The following IFI35 variants were observed in gnomAD, a reference collection of about 807,000 sequenced individuals.
IFI35 encodes the protein interferon induced protein 35, also known as interferon-induced 35 kDa protein.
Under a neutral mutation model 28.6 loss-of-function variants are expected in IFI35, and 30 were observed. The observed-to-expected ratio is 1.05, with a 90% confidence interval of 0.79 to 1.43. The LOEUF is 1.43. Among genes scored for constraint, IFI35 ranks in the 40% most tolerant of loss-of-function variants. The pLI is 0.00. For missense variants in IFI35, 372 were observed against 356.9 expected, an observed-to-expected ratio of 1.04 and a Z score of -0.34; for synonymous variants, 146 against 154.8, an observed-to-expected ratio of 0.94 and a Z score of 0.42.
chr17:43,013,643 G>A lies in IFI35; in HGVS notation c.543G>A (p.Leu181=). 1 of 1,614,098 alleles carries A rather than the reference G, an allele frequency of 6.2e-7. No homozygotes were observed. Among genetic ancestry groups the A allele is most frequent in the South Asian group, 1.1e-5 (1 of 91,080 alleles). The change falls in exon 5 of 7, where the codon CTG becomes CTA. Residue 181 remains leucine, a synonymous_variant. Coordinates refer to ENST00000415816, the MANE Select transcript of IFI35 (RefSeq NM_001330230.2). The part of the protein sequence containing the change: ...VRELLPGSVM[L]GFARDGVAQR... ...AGCTACTGCCAGGGAGTGTCATGCT[G>A]GGGTTTGCTAGGGATGGAGGTGAGG...
chr17:43,013,231 G>A (rs771950606), intron 3 of IFI35, 36 bp from the exon 4 acceptor site: 10 of 1,613,966 alleles, frequency 6.2e-6, no homozygotes, highest in East Asian at 4.5e-5. Context: ...GAGGTGGGGA[G>A]GGTTCCCAGT....
chr17:43,007,521 A>T (rs2050418535), intron 1 of IFI35, among the ~76,000 whole-genome samples: 1 of 150,338 alleles, frequency 6.7e-6, no homozygotes, highest in East Asian at 1.9e-4. Flanking sequence ...AAAAAAAAAA[A>T]ATTAAACTAA....
At chr17:43,011,801 G>T (rs986627748) in intron 1 of IFI35, among the ~76,000 whole-genome samples, 2 of 152,200 alleles carry the variant, frequency 1.3e-5, no homozygotes, top group African/African-American at 4.8e-5. Context: ...TTCACAGTCA[G>T]TCATGTGATC....
rs777520662 is a variant in IFI35 at position 43,013,160 on chromosome 17, G to T, written c.234G>T (p.Ala78=). ...SNLRIHCPLL[A]GSALITFDDP... ...TGCGGATCCACTGCCCTCTGCTTGC[G>T]GGCTCTGCTCTGATCACCTTTGATG... The change falls in exon 3 of 7, where the codon GCG becomes GCT. Residue 78 remains alanine, a synonymous_variant. Coordinates refer to ENST00000415816, the MANE Select transcript of IFI35 (RefSeq NM_001330230.2). 1.2e-5 allele frequency: 20 copies of T among 1,613,908 alleles called. No individual in the cohort carries two copies. Among genetic ancestry groups the T allele is most frequent in the African/African-American group, 2.7e-5 (2 of 74,842 alleles).
rs370391721 is a variant in IFI35, at chr17:43,013,066, A to G, written c.140A>G (p.Lys47Arg). The change falls in exon 3 of 7, where the codon AAG (lysine) becomes AGG (arginine). Residue 47 changes from lysine (K) to arginine (R), a missense_variant. Coordinates refer to ENST00000415816, the MANE Select transcript of IFI35 (RefSeq NM_001330230.2). ...TTCCAGGTCCCATTTTCAGTGCCCA[A>G]GATCCCCCTGGTATTCCGAGGACAC... ...PKDKVPFSVP[K>R]IPLVFRGHTQ... 1.0e-4 allele frequency: 168 copies of G among 1,613,952 alleles called. 1 individual carries two copies. Among genetic ancestry groups the G allele is most frequent in the Non-Finnish European group, 1.4e-4 (161 of 1,180,026 alleles).
At position 43,013,542 on chromosome 17, in the gene IFI35, G is replaced by A. The variant is rs1021825359; in HGVS notation, c.442G>A (p.Glu148Lys). 1.2e-6 allele frequency: 2 copies of A among 1,613,850 alleles called. No homozygotes were observed. Among genetic ancestry groups the A allele is most frequent in the East Asian group, 4.5e-5 (2 of 44,876 alleles). Residue 148 changes from glutamate to lysine, a missense_variant, in exon 5 of 7, where the codon GAG (glutamate) becomes AAG (lysine). By Grantham distance (56) the Glu-to-Lys change is moderately conservative. Coordinates refer to ENST00000415816, the MANE Select transcript of IFI35 (RefSeq NM_001330230.2). ...TGFPASLRLSEEELLDKLEIF... is the reference protein window; with the variant it reads ...TGFPASLRLSKEELLDKLEIF... Reference sequence around the variant, plus strand: ...ATTTCCTGCCAGCCTCAGGCTGAGTGAGGAGGAGCTGCTGGACAAGCTAGA... The same window carrying A: ...ATTTCCTGCCAGCCTCAGGCTGAGTAAGGAGGAGCTGCTGGACAAGCTAGA...
Position 43,014,437 on chromosome 17 carries a change from TAA to T in IFI35, c.*142_*143del. The T allele has an allele frequency of 2.1e-6, 1 of 486,666 alleles. No homozygotes were observed. Among genetic ancestry groups the T allele is most frequent in the South Asian group, 4.3e-5 (1 of 23,458 alleles). 30.1% of individuals were successfully genotyped at this position (486,666 alleles called of 1,614,324 possible). On this transcript the variant is annotated 3_prime_UTR_variant, in exon 7 of 7. Transcript: ENST00000415816. ...CATTGCAAAACACTGCCCAGAACAG[TAA>T]AAAGAGCCTGCATGCCATGATGTTC...
chr17:43,009,730 C>T (rs1448025219), intron 1 of IFI35, among the ~76,000 whole-genome samples: 4 of 150,026 alleles, frequency 2.7e-5, no homozygotes, highest in Admixed American at 6.6e-5. Context: ...TCCAGCCTGG[C>T]GACAGAGCGA....
chr17:43,014,258 G>A lies in IFI35; in HGVS notation c.820G>A (p.Gly274Arg), dbSNP rs148626513. 2.6e-5 allele frequency: 42 copies of A among 1,601,968 alleles called. No individual in the cohort carries two copies. The highest frequency in any genetic ancestry group is 3.6e-5 in the Non-Finnish European group (42 of 1,174,414). The change falls in exon 7 of 7, where the codon GGA (glycine) becomes AGA (arginine). Residue 274 changes from glycine to arginine, a missense_variant. Physicochemically the swap from Gly to Arg is moderately radical, Grantham distance 125 (BLOSUM62 -2). Transcript: ENST00000415816. ...AGAGGCCCTGACAGTCGTACCCCAAGGACAGCAGGGCCTAGCAGTCTTCAC... is the reference window on the plus strand; with the variant it reads ...AGAGGCCCTGACAGTCGTACCCCAAAGACAGCAGGGCCTAGCAGTCTTCAC... ...EVEALTVVPQ[G>R]QQGLAVFTSE...
At chr17:43,007,320 T>C (rs1317104925) in intron 1 of IFI35, among the ~76,000 whole-genome samples, 2 of 151,740 alleles carry the variant, frequency 1.3e-5, no homozygotes, top group Non-Finnish European at 2.9e-5. Context: ...GCCTTGGCAA[T>C]ACAGTGAAAA....
In IFI35 at chr17:43,013,030, C is replaced by T. The variant is rs771340618; in HGVS notation, c.121-17C>T. 14 of 1,612,530 alleles carry T rather than the reference C, an allele frequency of 8.7e-6. No individual in the cohort carries two copies. Among genetic ancestry groups the T allele is most frequent in the Non-Finnish European group, 7.6e-6 (9 of 1,179,082 alleles). On this transcript the variant is annotated splice_polypyrimidine_tract_variant and intron_variant, in intron 2 of 6. Transcript: ENST00000415816. The stretch of plus-strand genomic sequence containing the variant: ...GTGGGAGTGAGGAACACTCCTACTC[C>T]CCTCCCCTACTTCCAGGTCCCATTT...
intron 1 of IFI35, 70 bp from the exon 2 acceptor site, chr17:43,012,109 A>G (rs692651): frequency 8.7e-7 from 1 of 1,148,304 alleles, no homozygotes; most frequent in Non-Finnish European, 1.2e-6. Flanking sequence ...AATAGGCCCC[A>G]CTTCCCCTGG....
At position 43,012,223 on chromosome 17, in the gene IFI35, G is replaced by A. The variant is rs2050465962; in HGVS notation, c.66G>A (p.Arg22=). 1.3e-6 allele frequency: 2 copies of A among 1,579,598 alleles called. No individual in the cohort carries two copies. Among genetic ancestry groups the A allele is most frequent in the Non-Finnish European group, 1.7e-6 (2 of 1,162,410 alleles). The change falls in exon 2 of 7, where the codon AGG becomes AGA. Residue 22 remains arginine, a synonymous_variant. Coordinates refer to ENST00000415816, the MANE Select transcript of IFI35 (RefSeq NM_001330230.2). ...LQEEQARLKM[R]LWDLQQLRKE... ...AGGAGCAGGCCAGACTCAAGATGAG[G>A]CTGTGGGACCTGCAGCAGCTGAGAA...
At chr17:43,012,655 A>C in intron 2 of IFI35, 1 of 239,834 alleles carries the variant, frequency 4.2e-6, no homozygotes, top group East Asian at 1.2e-4. Flanking sequence ...GAATTGCTTG[A>C]ACCTGGGAAG....
In IFI35 at chr17:43,013,325, G is replaced by T. The variant is rs777691158; in HGVS notation, c.327G>T (p.Leu109=). The change falls in exon 4 of 7, where the codon CTG becomes CTT. Residue 109 remains leucine, a synonymous_variant. Coordinates refer to ENST00000415816, the MANE Select transcript of IFI35 (RefSeq NM_001330230.2). ...CGATCAACATGGAGGAGTGCCGGCT[G>T]CGGGTGCAGGTCCAGCCCTTGGAGC... ...EHTINMEECR[L]RVQVQPLELP... is the part of the protein sequence containing the mutation. The T allele has an allele frequency of 1.4e-5, 22 of 1,614,172 alleles. No individual in the cohort carries two copies. The Admixed American group carries it at 3.5e-4, about 26-fold the overall frequency.
chr17:43,013,003 A>T, intron 2 of IFI35, 44 bp from the exon 3 acceptor site: 1 of 1,587,596 alleles, frequency 6.3e-7, no homozygotes, highest in South Asian at 1.1e-5. Context: ...CCTTCCTCCT[A>T]GGTGGGAGTG....
Position 43,013,139 on chromosome 17 carries a change from G to C in IFI35, c.213G>C (p.Arg71=), listed in dbSNP as rs2050477837. Residue 71 remains arginine, a synonymous_variant, in exon 3 of 7, where the codon CGG becomes CGC. Coordinates refer to ENST00000415816, the MANE Select transcript of IFI35 (RefSeq NM_001330230.2). ...CTAAGTCTTTAGTTTCCAATTTGCG[G>C]ATCCACTGCCCTCTGCTTGCGGGCT... ...EVPKSLVSNL[R]IHCPLLAGSA... 1 of 1,613,920 alleles carries C rather than the reference G, an allele frequency of 6.2e-7. No homozygotes were observed. Among genetic ancestry groups the C allele is most frequent in the South Asian group, 1.1e-5 (1 of 91,074 alleles).
At chr17:43,010,922 T>C (rs1239316360) in intron 1 of IFI35, among the ~76,000 whole-genome samples, 2 of 152,202 alleles carry the variant, frequency 1.3e-5, no homozygotes, top group African/African-American at 4.8e-5. Context: ...AACTCTGCTC[T>C]ATTCCACAAA....
intron 1 of IFI35, among the ~76,000 whole-genome samples, chr17:43,007,392 C>T (rs2050416736): frequency 6.6e-6 from 1 of 151,758 alleles, no homozygotes; most frequent in Admixed American, 6.6e-5. Flanking sequence ...GTAATCCCAG[C>T]TACTTGGGAG....
Sources: gnomAD v4.1 joint callset for allele counts (sites outside exome capture counted in the v4.1 genomes callset) on GRCh38, gnomAD v4.1.1 for gene constraint, MANE v1.5 for transcripts, NCBI Gene and HGNC (gene_info 2026-07-23, HGNC 2026-07-21) for gene names.